The following DENND4C variants were observed in gnomAD, a reference collection of about 807,000 sequenced individuals.
DENND4C encodes DENN domain-containing protein 4C.
DENND4C carries 108 observed loss-of-function variants against 203.0 expected under a neutral mutation model. The ratio of observed to expected loss-of-function variants is 0.53; its 90% CI spans 0.46 to 0.62. DENND4C has a LOEUF of 0.62. Ranked by LOEUF, DENND4C falls within the 20% of genes least tolerant of loss-of-function variation. The pLI is 0.00. For missense variants in DENND4C, 2,481 were observed against 2,301.2 expected (o/e 1.08, Z -1.60); for synonymous variants, 871 against 792.4 (o/e 1.10, Z -1.67).
At position 19,373,020 on chromosome 9, in the gene DENND4C, TTAAA is replaced by T. The variant is rs893022835; in HGVS notation, c.*853_*856del. 3 of 152,318 alleles carry T rather than the reference TTAAA, an allele frequency of 2.0e-5. No individual in the cohort carries two copies. Among genetic ancestry groups the T allele is most frequent in the Admixed American group, 6.5e-5 (1 of 15,292 alleles). 9.4% of individuals were successfully genotyped at this position (152,318 alleles called of 1,614,324 possible). A position where few individuals can be genotyped will look rare whatever the true frequency, so the allele number is the denominator to read the frequency against. On this transcript the variant is annotated 3_prime_UTR_variant, in exon 33 of 33. Coordinates refer to ENST00000434457, the MANE Select transcript of DENND4C (RefSeq NM_001330640.2). ...TTTCTGAAAGGGGTCTCATTGACTA[TTAAA>T]TAAATGACTACTACTAAACTTGTCT...
At chr9:19,245,838 A>G (rs970671399) in intron 1 of DENND4C, among the ~76,000 whole-genome samples, 8 of 146,340 alleles carry the variant, frequency 5.5e-5, no homozygotes, top group Non-Finnish European at 9.0e-5. Context: ...CCTGGACGAC[A>G]GAGCGAGACT....
chr9:19,336,967 A>G, intron 20 of DENND4C, 135 bp downstream of exon 20: 5 of 853,772 alleles, frequency 5.9e-6, no homozygotes, highest in Non-Finnish European at 8.8e-6. Flanking sequence ...AAGAGAAACA[A>G]TACGAGTCTG....
intron 16 of DENND4C, among the ~76,000 whole-genome samples, chr9:19,331,069 C>G (rs1819022109): frequency 6.6e-6 from 1 of 151,662 alleles, no homozygotes; most frequent in African/African-American, 2.4e-5. Flanking sequence ...AAAAAAATAA[C>G]AAAGAAAACA....
chr9:19,324,903 A>T (rs1277867037), intron 13 of DENND4C, among the ~76,000 whole-genome samples: 2 of 152,058 alleles, frequency 1.3e-5, no homozygotes, highest in South Asian at 2.1e-4. Context: ...TTTTTGGTAG[A>T]GATGAGGTCT....
In DENND4C at chr9:19,296,307, G is replaced by C. The variant is rs377535488; in HGVS notation, c.1040+61G>C. ...ACTGGGTATATAAATATATACATTT[G>C]TTTGTGTAATTTTTAGCAGCAAAGT... On this transcript the variant is annotated intron_variant, in intron 6 of 32. Coordinates refer to ENST00000434457, the MANE Select transcript of DENND4C (RefSeq NM_001330640.2). The C allele has an allele frequency of 2.8e-6, 3 of 1,082,474 alleles. No homozygotes were observed. The East Asian group carries it at 8.2e-5, about 30-fold the overall frequency. 67.1% of individuals were successfully genotyped at this position (1,082,474 alleles called of 1,614,324 possible).
chr9:19,270,268 C>T (rs1831368269), intron 1 of DENND4C, among the ~76,000 whole-genome samples: 1 of 152,160 alleles, frequency 6.6e-6, no homozygotes, highest in Non-Finnish European at 1.5e-5. Context: ...CTGGCTACCA[C>T]TGATGTTTAT....
At chr9:19,366,714 C>T (rs961169648) in intron 30 of DENND4C, among the ~76,000 whole-genome samples, 2 of 152,062 alleles carry the variant, frequency 1.3e-5, no homozygotes, top group African/African-American at 4.8e-5. Flanking sequence ...AAAAATGGGT[C>T]ATAAACCTAA....
At chr9:19,340,914 GAATT>G in intron 20 of DENND4C, 74 bp from the exon 21 acceptor site, 2 of 1,174,604 alleles carry the variant, frequency 1.7e-6, no homozygotes, top group South Asian at 5.2e-5. Flanking sequence ...TAGATCAGTG[GAATT>G]TTCTTGTGAT....
chr9:19,307,950 A>G (rs1372635102), intron 10 of DENND4C, among the ~76,000 whole-genome samples: 1 of 151,856 alleles, frequency 6.6e-6, no homozygotes, highest in Non-Finnish European at 1.5e-5. Context: ...TATTTTTCAA[A>G]CATTTATTAT....
intron 1 of DENND4C, among the ~76,000 whole-genome samples, chr9:19,255,138 C>G (rs1406325391): frequency 6.6e-6 from 1 of 152,036 alleles, no homozygotes; most frequent in African/African-American, 2.4e-5. Flanking sequence ...AAGAGCGAAA[C>G]TCTGTCTCAG....
chr9:19,293,993 G>T (rs1458782016), intron 5 of DENND4C, among the ~76,000 whole-genome samples: 4 of 152,192 alleles, frequency 2.6e-5, no homozygotes, highest in East Asian at 3.8e-4. Context: ...GCATGACTGA[G>T]TAAGATTAGG....
chr9:19,313,449 T>C (rs1276838317), intron 10 of DENND4C, among the ~76,000 whole-genome samples: 2 of 152,166 alleles, frequency 1.3e-5, no homozygotes, highest in Non-Finnish European at 2.9e-5. Flanking sequence ...ACACAGATAG[T>C]AAACGTCAGG....
At chr9:19,340,155 G>C (rs980415556) in intron 20 of DENND4C, among the ~76,000 whole-genome samples, 2 of 152,086 alleles carry the variant, frequency 1.3e-5, no homozygotes, top group African/African-American at 4.8e-5. Context: ...TAGAAGCCAA[G>C]ATTTGGGCTC....
intron 5 of DENND4C, among the ~76,000 whole-genome samples, chr9:19,295,666 T>A (rs1837303526): frequency 7.6e-6 from 1 of 131,096 alleles, no homozygotes. Context: ...TGAGACTCCA[T>A]CTCAAAAAAA....
chr9:19,244,466 C>T (rs751110855), intron 1 of DENND4C, among the ~76,000 whole-genome samples: 4 of 151,818 alleles, frequency 2.6e-5, no homozygotes, highest in Non-Finnish European at 2.9e-5. Flanking sequence ...CTTGGCCGGG[C>T]GTGGTGGCTC....
At chr9:19,313,380 C>A (rs1419730247) in intron 10 of DENND4C, among the ~76,000 whole-genome samples, 1 of 152,132 alleles carries the variant, frequency 6.6e-6, no homozygotes, top group East Asian at 1.9e-4. Flanking sequence ...CATTATCAGT[C>A]CTCATTTTGC....
At chr9:19,371,998 T>C (rs1273605850) in intron 32 of DENND4C, 39 bp from the exon 33 acceptor site, 6 of 1,591,972 alleles carry the variant, frequency 3.8e-6, no homozygotes, top group Non-Finnish European at 5.1e-6. Context: ...GTTGTCTTTC[T>C]TAACAAATTA....
chr9:19,270,434 A>G (rs2130817218), intron 1 of DENND4C, among the ~76,000 whole-genome samples: 1 of 152,276 alleles, frequency 6.6e-6, no homozygotes, highest in South Asian at 2.1e-4. Context: ...AACTTTAGGA[A>G]TCTACTTGGT....
intron 12 of DENND4C, among the ~76,000 whole-genome samples, chr9:19,320,019 A>G (rs1842614056): frequency 6.6e-6 from 1 of 152,086 alleles, no homozygotes; most frequent in Non-Finnish European, 1.5e-5. Context: ...ATTCCTGTAA[A>G]CTTGTGGTAG....
Sources: gnomAD v4.1 joint callset for allele counts (sites outside exome capture counted in the v4.1 genomes callset) on GRCh38, gnomAD v4.1.1 for gene constraint, MANE v1.5 for transcripts, NCBI Gene and HGNC (gene_info 2026-07-23, HGNC 2026-07-21) for gene names.